NBEAL1: variants seen among roughly 807,000 people sequenced by gnomAD.
NBEAL1 encodes neurobeachin-like protein 1.
Under a neutral mutation model 351.3 loss-of-function variants are expected in NBEAL1, and 273 were observed. The ratio of observed to expected loss-of-function variants is 0.78; its 90% CI spans 0.70 to 0.86. The LOEUF (loss-of-function observed/expected upper bound fraction) is 0.86. Ranked by LOEUF, NBEAL1 falls within the 40% of genes least tolerant of loss-of-function variation. The pLI is 0.00. For synonymous variants in NBEAL1, 1,050 were observed against 1,086.4 expected (o/e 0.97, Z 0.66); for missense variants, 2,961 against 3,201.3 (o/e 0.92, Z 1.81).
chr2:203,157,916 T>C, intron 36 of NBEAL1, 91 bp downstream of exon 36: 1 of 1,075,080 alleles, frequency 9.3e-7, no homozygotes, highest in Non-Finnish European at 1.3e-6. Flanking sequence ...CACCATGTAT[T>C]TCCAGGGTCC....
intron 17 of NBEAL1, among the ~76,000 whole-genome samples, chr2:203,113,588 G>A (rs915563786): frequency 6.6e-6 from 1 of 152,026 alleles, no homozygotes; most frequent in African/African-American, 2.4e-5. Context: ...TTGTCTGCTA[G>A]GGCTGTCATA....
chr2:203,136,984 G>T (rs1339969903), intron 29 of NBEAL1, among the ~76,000 whole-genome samples: 1 of 152,246 alleles, frequency 6.6e-6, no homozygotes, highest in African/African-American at 2.4e-5. Context: ...GGAGGTTTAA[G>T]TCTTAAGTAA....
chr2:203,188,500 A>G lies in NBEAL1; in HGVS notation c.6734A>G (p.His2245Arg). 1.9e-6 allele frequency: 3 copies of G among 1,586,386 alleles called. No homozygotes were observed. The highest frequency in any genetic ancestry group is 2.6e-6 in the Non-Finnish European group (3 of 1,168,176). Residue 2245 changes from histidine to arginine, a missense_variant, in exon 45 of 56, where the codon CAT becomes CGT. By Grantham distance (29) the His-to-Arg change is conservative. Coordinates refer to ENST00000683969, the MANE Select transcript of NBEAL1 (RefSeq NM_001378026.1). Reference sequence around the variant, plus strand: ...TCTGAATATGTTTCAGCTCATCTTCATGAATGGATAGATCTGATCTTTGGC... The same window carrying G: ...TCTGAATATGTTTCAGCTCATCTTCGTGAATGGATAGATCTGATCTTTGGC... The part of the protein sequence containing the change: ...LESEYVSAHL[H>R]EWIDLIFGYK...
intron 7 of NBEAL1, among the ~76,000 whole-genome samples, chr2:203,076,084 C>T (rs1034211727): frequency 1.8e-4 from 27 of 152,122 alleles, no homozygotes; most frequent in Non-Finnish European, 3.5e-4. Flanking sequence ...AAAAGCATAG[C>T]AGTTTATCAG....
At chr2:203,021,789 C>T (rs1417647040) in intron 2 of NBEAL1, among the ~76,000 whole-genome samples, 3 of 151,952 alleles carry the variant, frequency 2.0e-5, no homozygotes, top group African/African-American at 7.3e-5. Flanking sequence ...GTGGCTCACG[C>T]CTGTAATCCC....
At chr2:203,061,006 T>C (rs1231480056) in intron 6 of NBEAL1, among the ~76,000 whole-genome samples, 1 of 152,176 alleles carries the variant, frequency 6.6e-6, no homozygotes, top group East Asian at 1.9e-4. Flanking sequence ...TATAGGAATT[T>C]TTCAAAAATG....
chr2:203,037,670 T>A (rs985058264), intron 2 of NBEAL1, among the ~76,000 whole-genome samples: 6 of 148,978 alleles, frequency 4.0e-5, no homozygotes, highest in African/African-American at 1.5e-4. Flanking sequence ...GCTCTAGAAC[T>A]TCATATAAGT....
At chr2:203,079,371 T>G (rs545518870) in intron 8 of NBEAL1, among the ~76,000 whole-genome samples, 2 of 152,344 alleles carry the variant, frequency 1.3e-5, no homozygotes, top group Non-Finnish European at 2.9e-5. Context: ...TGTGAGTCAC[T>G]GTGCCTAGCC....
intron 31 of NBEAL1, among the ~76,000 whole-genome samples, chr2:203,142,190 C>T (rs1172563526): frequency 6.6e-6 from 1 of 152,118 alleles, no homozygotes; most frequent in Non-Finnish European, 1.5e-5. Flanking sequence ...GAGTCTTGCT[C>T]TTTTGCCCAT....
At position 203,219,878 on chromosome 2, in the gene NBEAL1, G is replaced by A. The variant is rs2065936859; in HGVS notation, c.*2524G>A. On this transcript the variant is annotated 3_prime_UTR_variant, in exon 56 of 56. Coordinates refer to ENST00000683969, the MANE Select transcript of NBEAL1 (RefSeq NM_001378026.1). ...GTCTCAAAGAAAAGAAAAAAAATAT[G>A]GAATTTAGAGAAAAATCTTTGAGAA... The A allele has an allele frequency of 6.6e-6, 1 of 151,382 alleles. No homozygotes were observed. The highest frequency in any genetic ancestry group is 6.6e-5 in the Admixed American group (1 of 15,162). The allele number at this position is 151,382 out of a possible 1,614,324, so 9.4% of individuals were successfully genotyped here. A position where few individuals can be genotyped will look rare whatever the true frequency, so the allele number is the denominator to read the frequency against.
intron 17 of NBEAL1, among the ~76,000 whole-genome samples, chr2:203,114,112 G>C (rs750626135): frequency 1.3e-5 from 2 of 152,082 alleles, no homozygotes; most frequent in Admixed American, 1.3e-4. Flanking sequence ...GTGAGCCACC[G>C]CGCCCAGCCT....
intron 5 of NBEAL1, among the ~76,000 whole-genome samples, chr2:203,056,985 C>G: frequency 6.6e-6 from 1 of 152,046 alleles, no homozygotes; most frequent in Non-Finnish European, 1.5e-5. Flanking sequence ...GTACATATTA[C>G]CTAAATATAG....
chr2:203,064,559 C>T (rs1275419866), intron 6 of NBEAL1, among the ~76,000 whole-genome samples: 1 of 152,052 alleles, frequency 6.6e-6, no homozygotes, highest in Non-Finnish European at 1.5e-5. Flanking sequence ...GTTATTCCAG[C>T]CAAGCATGCA....
Position 203,149,030 on chromosome 2 carries a change from G to C in NBEAL1, c.5344G>C (p.Glu1782Gln), listed in dbSNP as rs1559406390. 2 of 1,610,826 alleles carry C rather than the reference G, an allele frequency of 1.2e-6. No homozygotes were observed. The highest frequency in any genetic ancestry group is 1.7e-6 in the Non-Finnish European group (2 of 1,178,178). ...VEPFNRKARQENLRYNNMLKQ... is the reference protein window; with the variant it reads ...VEPFNRKARQQNLRYNNMLKQ... ...GCCATTTAATCGAAAAGCACGCCAA[G>C]AGAACCTGAGGTATAATAATATGCT... is the stretch of plus-strand genomic sequence containing the variant. The change falls in exon 34 of 56, where the codon GAG becomes CAG. Residue 1782 changes from glutamate (E) to glutamine (Q), a missense_variant. By Grantham distance (29) the Glu-to-Gln change is conservative. Coordinates refer to ENST00000683969, the MANE Select transcript of NBEAL1 (RefSeq NM_001378026.1).
chr2:203,025,152 T>C (rs1401507821), intron 2 of NBEAL1, among the ~76,000 whole-genome samples: 1 of 152,200 alleles, frequency 6.6e-6, no homozygotes, highest in Non-Finnish European at 1.5e-5. Context: ...TTAGAATCCA[T>C]CTGTAAATCC....
At chr2:203,139,557 C>CTTTTTTTTTTTT (rs370861737) in intron 31 of NBEAL1, among the ~76,000 whole-genome samples, 9 of 67,646 alleles carry the variant, frequency 1.3e-4, no homozygotes, top group Non-Finnish European at 1.9e-4. Flanking sequence ...CCACCCCCAC[C>CTTTTTTTTTTTT]TTTTTTTTTT....
chr2:203,046,915 C>G (rs1035853837), intron 3 of NBEAL1, among the ~76,000 whole-genome samples: 5 of 152,186 alleles, frequency 3.3e-5, no homozygotes, highest in African/African-American at 9.7e-5. Context: ...TGGCTTCTGC[C>G]TGTAATGCCA....
chr2:203,022,165 G>T (rs2060783506), intron 2 of NBEAL1, among the ~76,000 whole-genome samples: 2 of 152,136 alleles, frequency 1.3e-5, no homozygotes, highest in African/African-American at 4.8e-5. Flanking sequence ...AGCCTTTTGG[G>T]AGTGCTGCAG....
chr2:203,096,273 T>C (rs1463562282), intron 10 of NBEAL1, among the ~76,000 whole-genome samples: 1 of 152,238 alleles, frequency 6.6e-6, no homozygotes, highest in Non-Finnish European at 1.5e-5. Flanking sequence ...GCCTGTAGTG[T>C]ATATATCAAT....
Sources: gnomAD v4.1 joint callset for allele counts (sites outside exome capture counted in the v4.1 genomes callset) on GRCh38, gnomAD v4.1.1 for gene constraint, MANE v1.5 for transcripts, NCBI Gene and HGNC (gene_info 2026-07-23, HGNC 2026-07-21) for gene names.